The following ZNF787 variants were observed in gnomAD, a reference collection of about 807,000 sequenced individuals.
ZNF787 encodes zinc finger protein 787, also known as TTF-I-interacting peptide 20.
In ZNF787, 7 loss-of-function variants were observed where a neutral mutation model predicts 16.9. The observed-to-expected ratio is 0.42, with a 90% CI of 0.24 to 0.78. The LOEUF is 0.78. Ranked by LOEUF, ZNF787 falls within the 30% of genes least tolerant of loss-of-function variation. ZNF787 has a pLI of 0.30. For missense variants in ZNF787, 551 were observed against 589.3 expected (o/e 0.94, Z 0.67); for synonymous variants, 345 against 270.9 (o/e 1.27, Z -2.69).
At chr19:56,118,573 G>A (rs1186730962) in intron 1 of ZNF787, among the ~76,000 whole-genome samples, 1 of 152,152 alleles carries the variant, frequency 6.6e-6, no homozygotes, top group East Asian at 1.9e-4. Flanking sequence ...CCCTAAAATG[G>A]AGGTGACCAC....
intron 1 of ZNF787, among the ~76,000 whole-genome samples, chr19:56,116,025 G>T (rs1042753306): frequency 6.6e-6 from 1 of 152,158 alleles, no homozygotes; most frequent in Non-Finnish European, 1.5e-5. Context: ...GTCACAAAAC[G>T]CGCTGCCCTG....
Position 56,088,440 on chromosome 19 carries a change from G to C in ZNF787, c.732C>G (p.Ile244Met). 10 of 1,237,588 alleles carry C rather than the reference G, an allele frequency of 8.1e-6. No homozygotes were observed. Among genetic ancestry groups the C allele is most frequent in the Non-Finnish European group, 9.1e-6 (9 of 988,624 alleles). 76.7% of individuals were successfully genotyped at this position (1,237,588 alleles called of 1,614,324 possible). Residue 244 changes from isoleucine (I) to methionine (M), a missense_variant, in exon 3 of 3, where the codon ATC becomes ATG. By Grantham distance (10) the Ile-to-Met change is conservative (BLOSUM62 1). Coordinates refer to ENST00000610935, the MANE Select transcript of ZNF787 (RefSeq NM_001002836.4). This position sits in a 1 kb window ranked among gnomAD's most constrained non-coding sequence, Gnocchi z 8.6. Reference protein sequence around the residue: ...AIPVGDGEGIIVVGAPGEGAA... With the variant: ...AIPVGDGEGIMVVGAPGEGAA... ...CCCCCTCGCCCGGCGCGCCCACCAC[G>C]ATGATGCCCTCGCCATCGCCCACGG...
chr19:56,087,784 A>G lies in ZNF787; in HGVS notation c.*239T>C, dbSNP rs972896426. 1.8e-6 allele frequency: 1 copy of G among 549,540 alleles called. No homozygotes were observed. Among genetic ancestry groups the G allele is most frequent in the East Asian group, 4.7e-5 (1 of 21,262 alleles). 34.0% of individuals were successfully genotyped at this position (549,540 alleles called of 1,614,324 possible). A position where few individuals can be genotyped will look rare whatever the true frequency, so the allele number is the denominator to read the frequency against. ...TTGTCTCTCCGGCTCGCAGGCCGAT[A>G]ACTTAGGAAGGGCGGGCCAGGCTGA... On this transcript the variant is annotated 3_prime_UTR_variant, in exon 3 of 3. Coordinates refer to ENST00000610935, the MANE Select transcript of ZNF787 (RefSeq NM_001002836.4).
At chr19:56,119,563 G>A (rs1242668525) in intron 1 of ZNF787, among the ~76,000 whole-genome samples, 1 of 152,218 alleles carries the variant, frequency 6.6e-6, no homozygotes, top group Non-Finnish European at 1.5e-5. Context: ...CTGGTGGAAA[G>A]TAAGGCACTG....
chr19:56,108,919 C>G (rs908590712), intron 1 of ZNF787, among the ~76,000 whole-genome samples: 1 of 152,140 alleles, frequency 6.6e-6, no homozygotes, highest in Non-Finnish European at 1.5e-5. Context: ...GACAGGAAAG[C>G]CCAAATCTCA....
chr19:56,087,414 CGCCCAG>C lies in ZNF787; in HGVS notation c.*603_*608del, dbSNP rs1309565432. The C allele has an allele frequency of 6.6e-6, 1 of 152,300 alleles. No homozygotes were observed. The highest frequency in any genetic ancestry group is 1.5e-5 in the Non-Finnish European group (1 of 68,152). The allele number at this position is 152,300 out of a possible 1,614,324, so 9.4% of individuals were successfully genotyped here. ...TGTTCCAGCACCCCTTCCTCCACCA[CGCCCAG>C]GCCTGGGACAAACGGGCACCCGCCT... On this transcript the variant is annotated 3_prime_UTR_variant, in exon 3 of 3. Coordinates refer to ENST00000610935, the MANE Select transcript of ZNF787 (RefSeq NM_001002836.4).
chr19:56,104,751 GCACA>G (rs919505990), intron 1 of ZNF787, among the ~76,000 whole-genome samples: 2 of 152,244 alleles, frequency 1.3e-5, no homozygotes, highest in East Asian at 3.8e-4. Context: ...GCGGTGCCAC[GCACA>G]CACACAGCTA....
At chr19:56,116,213 G>A (rs2030133682) in intron 1 of ZNF787, among the ~76,000 whole-genome samples, 1 of 152,152 alleles carries the variant, frequency 6.6e-6, no homozygotes, top group Non-Finnish European at 1.5e-5. Flanking sequence ...AGGCCGAGGT[G>A]GGCGGATCAC....
intron 1 of ZNF787, among the ~76,000 whole-genome samples, chr19:56,107,089 A>G (rs1163091445): frequency 1.3e-5 from 2 of 151,958 alleles, no homozygotes; most frequent in East Asian, 3.9e-4. Context: ...GCCCCTGGCC[A>G]CCCCACCCCA....
rs189102515 is a variant in ZNF787 at position 56,099,482 on chromosome 19, G to A, written c.79+3657C>T. 3.3e-3 allele frequency among the ~76,000 whole-genome samples: 498 copies of A among 152,208 alleles called. 5 individuals carry two copies. Among genetic ancestry groups the A allele is most frequent in the Non-Finnish European group, 5.7e-3 (385 of 68,000 alleles). ...AATCCCAACACTGGGAGGCCGAGGC[G>A]GGCAGATCACCTGAGGTCAGGAGTT... On this transcript the variant is annotated intron_variant, in intron 2 of 2. Coordinates refer to ENST00000610935, the MANE Select transcript of ZNF787 (RefSeq NM_001002836.4).
chr19:56,111,715 T>C (rs2037033401), intron 1 of ZNF787, among the ~76,000 whole-genome samples: 1 of 151,556 alleles, frequency 6.6e-6, no homozygotes, highest in African/African-American at 2.4e-5. Flanking sequence ...CAACTTCCTC[T>C]CCGAGAAGAG....
At chr19:56,090,955 C>T (rs1393552974) in intron 2 of ZNF787, among the ~76,000 whole-genome samples, 3 of 152,204 alleles carry the variant, frequency 2.0e-5, no homozygotes. Context: ...ATCACTATTC[C>T]AAGGCAGAGA....
chr19:56,091,948 A>AAGCCGAAACCGAAACCG (rs1568523436), intron 2 of ZNF787, among the ~76,000 whole-genome samples: 1 of 25,400 alleles, frequency 3.9e-5, no homozygotes, highest in African/African-American at 5.4e-5. Context: ...AGCCAAAGCC[A>AAGCCGAAACCGAAACCG]AAGCCGAAAC....
At chr19:56,110,128 A>G (rs1314703135) in intron 1 of ZNF787, among the ~76,000 whole-genome samples, 1 of 152,196 alleles carries the variant, frequency 6.6e-6, no homozygotes, top group Non-Finnish European at 1.5e-5. Flanking sequence ...TTGGGAGGCC[A>G]AGGCAGGCGG....
intron 1 of ZNF787, among the ~76,000 whole-genome samples, chr19:56,106,660 A>C (rs1986326524): frequency 6.6e-6 from 1 of 151,908 alleles, no homozygotes; most frequent in African/African-American, 2.4e-5. Context: ...TCGTTCCCCA[A>C]CAACCTCAAC....
At position 56,087,773 on chromosome 19, in the gene ZNF787, CGCAGGCCGATAACTTAGGAAGG is replaced by C. The variant is rs1156691201; in HGVS notation, c.*228_*249del. On this transcript the variant is annotated 3_prime_UTR_variant, in exon 3 of 3. Coordinates refer to ENST00000610935, the MANE Select transcript of ZNF787 (RefSeq NM_001002836.4). ...AGTTCTCTCCATTGTCTCTCCGGCT[CGCAGGCCGATAACTTAGGAAGG>C]GCGGGCCAGGCTGAGGGGGCAGAGT... 2 of 491,014 alleles carry C rather than the reference CGCAGGCCGATAACTTAGGAAGG, an allele frequency of 4.1e-6. No individual in the cohort carries two copies. Among genetic ancestry groups the C allele is most frequent in the African/African-American group, 2.0e-5 (1 of 49,066 alleles). 30.4% of individuals were successfully genotyped at this position (491,014 alleles called of 1,614,324 possible).
chr19:56,103,055 G>T (rs763364865), intron 2 of ZNF787, 84 bp downstream of exon 2: 16 of 1,476,862 alleles, frequency 1.1e-5, no homozygotes, highest in Admixed American at 1.7e-5. Flanking sequence ...CAGGGAAGGG[G>T]GGTTTCCTCC....
intron 1 of ZNF787, among the ~76,000 whole-genome samples, chr19:56,107,528 G>A (rs927475045): frequency 2.8e-5 from 4 of 142,480 alleles, no homozygotes; most frequent in African/African-American, 1.0e-4. Context: ...GGGTCACTGG[G>A]AGAAACGAGT....
intron 2 of ZNF787, among the ~76,000 whole-genome samples, chr19:56,098,825 G>A (rs1288094562): frequency 4.4e-5 from 5 of 114,892 alleles, no homozygotes; most frequent in Admixed American, 8.0e-5. Flanking sequence ...GGGTGATTAC[G>A]GCCGCAGGGT....
Sources: gnomAD v4.1 joint callset for allele counts (sites outside exome capture counted in the v4.1 genomes callset) on GRCh38, gnomAD v4.1.1 for gene constraint, Gnocchi (gnomAD v3.1) non-coding constraint, MANE v1.5 for transcripts, NCBI Gene and HGNC (gene_info 2026-07-23, HGNC 2026-07-21) for gene names.